Variants in ARHGEF7 observed in about 807,000 individuals in gnomAD.
ARHGEF7 encodes the protein Rho guanine nucleotide exchange factor 7.
In ARHGEF7, 33 loss-of-function variants were observed where a neutral mutation model predicts 109.8. That is an observed-to-expected ratio of 0.30 (90% CI 0.23 to 0.40). The LOEUF is 0.40. ARHGEF7 is among the 10% of genes least tolerant of loss of function. ARHGEF7 has a pLI of 1.00. For synonymous variants in ARHGEF7, 458 were observed against 424.6 expected, an observed-to-expected ratio of 1.08 and a Z score of -0.97; for missense variants, 938 against 1,098.5, an observed-to-expected ratio of 0.85 and a Z score of 2.07.
chr13:111,174,570 A>G (rs1338243586), intron 2 of ARHGEF7, among the ~76,000 whole-genome samples: 2 of 152,192 alleles, frequency 1.3e-5, no homozygotes, highest in East Asian at 3.8e-4. Context: ...AATGCCATGC[A>G]TTATCTGGGC....
Position 111,221,369 on chromosome 13 carries a change from A to ATATATAGATATC in ARHGEF7, c.670+3495_670+3496insGATATCTATATA, listed in dbSNP as rs1566871995. 1.6e-4 allele frequency among the ~76,000 whole-genome samples: 5 copies of ATATATAGATATC among 31,370 alleles called. 2 individuals are homozygous for ATATATAGATATC. The highest frequency in any genetic ancestry group is 4.7e-4 in the East Asian group (1 of 2,150). 20.6% of individuals were successfully genotyped at this position (31,370 alleles called of 152,430 possible). A position where few individuals can be genotyped will look rare whatever the true frequency, so the allele number is the denominator to read the frequency against. ...TATATATGTCTATATATATATCTAT[A>ATATATAGATATC]TATATATCTATATATATAGATGTCT... On this transcript the variant is annotated intron_variant, in intron 5 of 21. Coordinates refer to ENST00000646102, the MANE Select transcript of ARHGEF7 (RefSeq NM_001354046.2).
At chr13:111,276,055 A>G (rs1261730272) in intron 12 of ARHGEF7, 3 of 230,164 alleles carry the variant, frequency 1.3e-5, no homozygotes, top group Admixed American at 4.8e-5. Context: ...GCTGCTCTCA[A>G]TGCTTTCGGG....
In ARHGEF7 at chr13:111,217,782, A is replaced by G. The variant is rs1224749185; in HGVS notation, c.572A>G (p.His191Arg). 2 of 1,614,254 alleles carry G rather than the reference A, an allele frequency of 1.2e-6. No homozygotes were observed. The highest frequency in any genetic ancestry group is 1.7e-5 in the Admixed American group (1 of 60,032). ...ELSFSKGDVI[H>R]VTRVEEGGWW... ...TCCTTCTCAAAAGGAGACGTCATCC[A>G]TGTCACCCGTGTGGAAGAGGGAGGC... Residue 191 changes from histidine (H) to arginine (R), a missense_variant, in exon 5 of 22, where the codon CAT (histidine) becomes CGT (arginine). Around this residue, in one of 4 missense-constraint regions of ARHGEF7, gnomAD observed 585 missense variants for 723.6 expected, o/e 0.81. Coordinates refer to ENST00000646102, the MANE Select transcript of ARHGEF7 (RefSeq NM_001354046.2).
chr13:111,286,357 T>G (rs2093017870), intron 17 of ARHGEF7, 117 bp downstream of exon 17: 4 of 812,988 alleles, frequency 4.9e-6, no homozygotes, highest in African/African-American at 3.4e-5. Context: ...AAAAGTAAGG[T>G]CTGCCCCTTG....
chr13:111,177,851 A>G (rs1317857717), intron 2 of ARHGEF7, among the ~76,000 whole-genome samples: 1 of 152,210 alleles, frequency 6.6e-6, no homozygotes, highest in East Asian at 1.9e-4. Context: ...AGAAGGGTAT[A>G]TGTTGTTATT....
chr13:111,150,685 G>T (rs1238480780), intron 1 of ARHGEF7, among the ~76,000 whole-genome samples: 2 of 152,162 alleles, frequency 1.3e-5, no homozygotes, highest in African/African-American at 4.8e-5. Flanking sequence ...GTCTGTCATG[G>T]TGGCTTCCTT....
intron 8 of ARHGEF7, among the ~76,000 whole-genome samples, chr13:111,248,314 C>G (rs928052317): frequency 6.6e-6 from 1 of 151,914 alleles, no homozygotes; most frequent in Non-Finnish European, 1.5e-5. Flanking sequence ...GTTCCCCGTC[C>G]GCTTCCTAGA....
chr13:111,270,547 G>T (rs1018352771), intron 9 of ARHGEF7, among the ~76,000 whole-genome samples: 1 of 151,958 alleles, frequency 6.6e-6, no homozygotes, highest in Non-Finnish European at 1.5e-5. Flanking sequence ...AAGGAGTTTT[G>T]CTTGCACATG....
chr13:111,122,121 C>A (rs148695866), intron 1 of ARHGEF7, among the ~76,000 whole-genome samples: 109 of 152,314 alleles, frequency 7.2e-4, no homozygotes, highest in African/African-American at 2.4e-3. Context: ...TCTGGACAGA[C>A]CACCATTGTC....
intron 10 of ARHGEF7, among the ~76,000 whole-genome samples, chr13:111,274,251 A>G (rs1001097665): frequency 9.2e-5 from 14 of 152,242 alleles, no homozygotes; most frequent in African/African-American, 3.4e-4. Flanking sequence ...GCTACAAACA[A>G]TGTGTGCATA....
intron 10 of ARHGEF7, 65 bp from the exon 11 acceptor site, chr13:111,274,666 G>A: frequency 9.8e-7 from 1 of 1,022,978 alleles, no homozygotes. Context: ...CTGGTCTGTA[G>A]AAAGTACCTT....
intron 14 of ARHGEF7, 51 bp from the exon 15 acceptor site, chr13:111,280,487 T>A: frequency 6.3e-7 from 1 of 1,579,926 alleles, no homozygotes; most frequent in Non-Finnish European, 8.6e-7. Flanking sequence ...TGCACGCACG[T>A]GCTTTTTACC....
chr13:111,195,740 C>T (rs773272316), intron 2 of ARHGEF7, among the ~76,000 whole-genome samples: 21 of 152,184 alleles, frequency 1.4e-4, no homozygotes, highest in Non-Finnish European at 2.9e-4. Context: ...GGTGGCTTCT[C>T]GTTGGACAGT....
chr13:111,176,954 A>G (rs1272893894), intron 2 of ARHGEF7, among the ~76,000 whole-genome samples: 1 of 152,180 alleles, frequency 6.6e-6, no homozygotes, highest in African/African-American at 2.4e-5. Context: ...ACGGGGCTTC[A>G]CCATGTTGGC....
At chr13:111,194,628 G>A (rs1332304523) in intron 2 of ARHGEF7, among the ~76,000 whole-genome samples, 2 of 152,240 alleles carry the variant, frequency 1.3e-5, no homozygotes, top group Non-Finnish European at 2.9e-5. Flanking sequence ...GAGATCTAGA[G>A]TAGCCCACTG....
At chr13:111,218,963 C>T (rs1207122655) in intron 5 of ARHGEF7, among the ~76,000 whole-genome samples, 1 of 152,108 alleles carries the variant, frequency 6.6e-6, no homozygotes, top group Non-Finnish European at 1.5e-5. Context: ...TTGTAAACTT[C>T]TCTGGTGTTG....
At chr13:111,186,057 G>A (rs762887922) in intron 2 of ARHGEF7, among the ~76,000 whole-genome samples, 22 of 150,634 alleles carry the variant, frequency 1.5e-4, no homozygotes, top group Non-Finnish European at 2.8e-4. Context: ...ACTGAGGTAC[G>A]GGCTGTGTGG....
At chr13:111,146,873 TCA>T (rs1452656943) in intron 1 of ARHGEF7, among the ~76,000 whole-genome samples, 1 of 152,202 alleles carries the variant, frequency 6.6e-6, no homozygotes, top group Non-Finnish European at 1.5e-5. Flanking sequence ...AATTTTCATA[TCA>T]CACACACTGC....
intron 1 of ARHGEF7, among the ~76,000 whole-genome samples, chr13:111,139,514 C>T (rs1362972433): frequency 2.7e-5 from 4 of 149,170 alleles, no homozygotes; most frequent in African/African-American, 9.7e-5. Flanking sequence ...GAATGAAAGC[C>T]ACCCTGTGAA....
Sources: gnomAD v4.1 joint callset for allele counts (sites outside exome capture counted in the v4.1 genomes callset) on GRCh38, gnomAD v4.1.1 for gene constraint, gnomAD v4.1.1 regional missense constraint, MANE v1.5 for transcripts, NCBI Gene and HGNC (gene_info 2026-07-23, HGNC 2026-07-21) for gene names.